The following CSMD1 variants were observed in gnomAD, a reference collection of about 807,000 sequenced individuals.
The protein encoded by CSMD1 is CUB and Sushi multiple domains 1, also known as CUB and sushi domain-containing protein 1.
Under a neutral mutation model 417.5 loss-of-function variants are expected in CSMD1, and 213 were observed. The observed-to-expected ratio is 0.51, with a 90% CI of 0.46 to 0.57. The LOEUF is 0.57. Among genes scored for constraint, CSMD1 ranks in the 20% least tolerant of loss-of-function variants. The pLI is 0.00. For missense variants in CSMD1, 6,923 were observed against 4,529.7 expected, an observed-to-expected ratio of 1.53 and a Z score of -15.17; for synonymous variants, 2,862 against 1,736.8, an observed-to-expected ratio of 1.65 and a Z score of -16.11.
intron 3 of CSMD1, among the ~76,000 whole-genome samples, chr8:4,036,971 G>A (rs1191281605): frequency 2.6e-5 from 4 of 150,972 alleles, no homozygotes; most frequent in African/African-American, 7.3e-5. Flanking sequence ...GTGTGTGTGT[G>A]TGTGTGTGTG....
At chr8:4,151,613 C>G (rs1245555250) in intron 3 of CSMD1, among the ~76,000 whole-genome samples, 1 of 152,048 alleles carries the variant, frequency 6.6e-6, no homozygotes, top group Non-Finnish European at 1.5e-5. Context: ...TGGATTGTGA[C>G]ATGTAGTTTC....
At chr8:4,679,049 C>T (rs1297388538) in intron 1 of CSMD1, among the ~76,000 whole-genome samples, 1 of 152,206 alleles carries the variant, frequency 6.6e-6, no homozygotes, top group African/African-American at 2.4e-5. Context: ...GCCCAGATCA[C>T]AGTGAGGTTC....
At chr8:3,009,063 A>G (rs958217686) in intron 52 of CSMD1, among the ~76,000 whole-genome samples, 3 of 152,200 alleles carry the variant, frequency 2.0e-5, no homozygotes, top group Non-Finnish European at 4.4e-5. Flanking sequence ...GAATGTTGCC[A>G]CAATGTCTCC....
intron 49 of CSMD1, among the ~76,000 whole-genome samples, chr8:3,054,584 C>T (rs1461496428): frequency 6.6e-6 from 1 of 152,114 alleles, no homozygotes; most frequent in African/African-American, 2.4e-5. Context: ...TGCCAGTGCA[C>T]TCCAGACTGG....
intron 1 of CSMD1, among the ~76,000 whole-genome samples, chr8:4,959,655 C>T (rs73659418): frequency 1.3e-5 from 2 of 152,204 alleles, no homozygotes; most frequent in Non-Finnish European, 2.9e-5. Context: ...CTCTTCTCAG[C>T]GTATTATCTA....
At chr8:3,249,914 T>C (rs749926359) in intron 26 of CSMD1, among the ~76,000 whole-genome samples, 6 of 152,222 alleles carry the variant, frequency 3.9e-5, no homozygotes, top group South Asian at 2.1e-4. Flanking sequence ...AACTAAATTA[T>C]AGACATGAAA....
intron 1 of CSMD1, among the ~76,000 whole-genome samples, chr8:4,707,137 G>A (rs946165452): frequency 2.4e-4 from 37 of 152,328 alleles, no homozygotes; most frequent in African/African-American, 8.9e-4. Context: ...AGCTGTTACA[G>A]TGATCTGGGT....
At chr8:3,459,011 CCTACCCGCAA>C (rs1420296380) in intron 12 of CSMD1, among the ~76,000 whole-genome samples, 8 of 152,192 alleles carry the variant, frequency 5.3e-5, no homozygotes, top group Non-Finnish European at 7.3e-5. Flanking sequence ...AGGGTTGTTT[CCTACCCGCAA>C]GGGTAGGAAG....
At chr8:4,939,644 G>A (rs903453361) in intron 1 of CSMD1, among the ~76,000 whole-genome samples, 1 of 152,146 alleles carries the variant, frequency 6.6e-6, no homozygotes, top group Non-Finnish European at 1.5e-5. Flanking sequence ...GGCTGGGGGT[G>A]AGTGGGAAGG....
intron 52 of CSMD1, among the ~76,000 whole-genome samples, chr8:3,016,975 C>G (rs1300440252): frequency 6.6e-6 from 1 of 152,190 alleles, no homozygotes; most frequent in Non-Finnish European, 1.5e-5. Flanking sequence ...AATCCCCAAG[C>G]TGACCCATCA....
chr8:4,918,094 A>G (rs1227570327), intron 1 of CSMD1, among the ~76,000 whole-genome samples: 1 of 151,998 alleles, frequency 6.6e-6, no homozygotes, highest in African/African-American at 2.4e-5. Flanking sequence ...ATACTTTTAA[A>G]AAAAGAAAAT....
intron 18 of CSMD1, among the ~76,000 whole-genome samples, chr8:3,380,457 C>A (rs1308083825): frequency 2.6e-5 from 4 of 152,154 alleles, no homozygotes; most frequent in Non-Finnish European, 5.9e-5. Flanking sequence ...TATTGCAGCC[C>A]TGTTCACAAT....
At chr8:3,275,517 A>G (rs374273936) in intron 26 of CSMD1, among the ~76,000 whole-genome samples, 2 of 152,190 alleles carry the variant, frequency 1.3e-5, no homozygotes, top group Non-Finnish European at 2.9e-5. Flanking sequence ...AATATCCTGC[A>G]GAGTGTTTTC....
At chr8:4,435,048 T>C (rs1798076873) in intron 2 of CSMD1, among the ~76,000 whole-genome samples, 1 of 152,200 alleles carries the variant, frequency 6.6e-6, no homozygotes, top group Admixed American at 6.5e-5. Context: ...GAATGTCTAA[T>C]ATAGTTTGTG....
At chr8:4,198,564 G>A (rs908233155) in intron 3 of CSMD1, among the ~76,000 whole-genome samples, 3 of 152,100 alleles carry the variant, frequency 2.0e-5, no homozygotes, top group Non-Finnish European at 4.4e-5. Flanking sequence ...TTTCAGGAAC[G>A]TGCACAAGGA....
rs11986962 is a variant in CSMD1 at position 4,224,996 on chromosome 8, C to A, written c.416-192897G>T. ...GCGTGGTGCCGTGCACCTGAAATCC[C>A]AGCTATTGGGGAGGCTGAGGCAAGA... On this transcript the variant is annotated intron_variant, in intron 3 of 69. Coordinates refer to ENST00000635120, the MANE Select transcript of CSMD1 (RefSeq NM_033225.6). Among the ~76,000 whole-genome samples, 175 of 152,244 alleles carry A rather than the reference C, an allele frequency of 1.1e-3. 1 individual carries two copies. The highest frequency in any genetic ancestry group is 4.0e-3 in the African/African-American group (167 of 41,548).
At chr8:3,308,626 G>A (rs920545233) in intron 23 of CSMD1, 123 bp from the exon 24 acceptor site, 4 of 690,382 alleles carry the variant, frequency 5.8e-6, no homozygotes, top group Non-Finnish European at 7.1e-6. Context: ...AGGAGATTGT[G>A]AATTTACAAA....
chr8:4,633,010 T>A (rs867340274), intron 2 of CSMD1, among the ~76,000 whole-genome samples: 62 of 152,104 alleles, frequency 4.1e-4, no homozygotes, highest in Middle Eastern at 3.4e-3. Flanking sequence ...TTTCTTGAAT[T>A]TCAGGGTCAT....
chr8:3,506,768 T>C (rs768529263), intron 10 of CSMD1, among the ~76,000 whole-genome samples: 3 of 152,234 alleles, frequency 2.0e-5, no homozygotes, highest in Non-Finnish European at 2.9e-5. Context: ...AGGTTGCTCA[T>C]GGTTGGCAGT....
Sources: allele counts gnomAD v4.1 joint callset (sites outside exome capture counted in the v4.1 genomes callset), GRCh38; gene constraint gnomAD v4.1.1; transcripts MANE v1.5; gene names NCBI Gene and HGNC (gene_info 2026-07-23, HGNC 2026-07-21).